Variants in POLDIP3 observed in about 807,000 individuals in gnomAD.
POLDIP3 encodes the protein polymerase delta-interacting protein 3.
Under a neutral mutation model 45.1 loss-of-function variants are expected in POLDIP3, and 14 were observed. That is an observed-to-expected ratio of 0.31 (90% CI 0.20 to 0.49). The LOEUF (loss-of-function observed/expected upper bound fraction) is 0.49, where lower values mean the gene tolerates loss of function less well. Among genes scored for constraint, POLDIP3 ranks in the 20% least tolerant of loss-of-function variants. The probability of loss-of-function intolerance (pLI) is 0.99; values close to 1 mark genes in which losing one functional copy is unlikely to be tolerated. For missense variants in POLDIP3, 511 were observed against 538.8 expected (o/e 0.95, Z 0.51); for synonymous variants, 223 against 205.2 (o/e 1.09, Z -0.74).
chr22:42,597,783 T>C (rs1398028584), intron 4 of POLDIP3: 1 of 321,878 alleles, frequency 3.1e-6, no homozygotes, highest in South Asian at 2.7e-5. Flanking sequence ...ACGACCTCTT[T>C]TTTTTTTTTT....
At position 42,603,003 on chromosome 22, in the gene POLDIP3, C is replaced by T; in HGVS notation, c.217G>A (p.Asp73Asn). 1 of 1,614,132 alleles carries T rather than the reference C, an allele frequency of 6.2e-7. No individual in the cohort carries two copies. The highest frequency in any genetic ancestry group is 8.5e-7 in the Non-Finnish European group (1 of 1,180,022). Reference sequence around the variant, plus strand: ...TTCTGCAAAAGCTTCTCCCGGGCATCCTTGACTCCCAGTTTGAGCCGGGCA... The same window carrying T: ...TTCTGCAAAAGCTTCTCCCGGGCATTCTTGACTCCCAGTTTGAGCCGGGCA... Reference protein sequence around the residue: ...SDARLKLGVKDAREKLLQKDA... With the variant: ...SDARLKLGVKNAREKLLQKDA... Residue 73 changes from aspartate (D) to asparagine (N), a missense_variant, in exon 2 of 9, where the codon GAT becomes AAT. This residue lies in a region of POLDIP3 where 378 missense variants were observed against 352.3 expected (regional missense o/e 1.07). Coordinates refer to ENST00000252115, the MANE Select transcript of POLDIP3 (RefSeq NM_032311.5).
chr22:42,584,607 G>A lies in POLDIP3; in HGVS notation c.*1184C>T, dbSNP rs1925176764. 3.1e-6 allele frequency: 1 copy of A among 319,530 alleles called. No individual in the cohort carries two copies. The highest frequency in any genetic ancestry group is 2.5e-5 in the South Asian group (1 of 40,322). 19.8% of individuals were successfully genotyped at this position (319,530 alleles called of 1,614,324 possible). On this transcript the variant is annotated 3_prime_UTR_variant, in exon 9 of 9. Coordinates refer to ENST00000252115, the MANE Select transcript of POLDIP3 (RefSeq NM_032311.5). ...GTGACAACACTGGCCTGGTCATTCA[G>A]GGACTGCCTGGGCTCTGAAGTTTCG...
Position 42,601,981 on chromosome 22 carries a change from G to C in POLDIP3, c.526C>G (p.Gln176Glu), listed in dbSNP as rs765074556. ...CTCACTCACTCTACCTGTTTGGCCT[G>C]GTGGTTATTGACAACATTGATTCTC... ...GMRINVVNNHQAKQNLYDLDE... is the reference protein window; with the variant it reads ...GMRINVVNNHEAKQNLYDLDE... Residue 176 changes from glutamine to glutamate, a missense_variant, in exon 3 of 9, where the codon CAG (glutamine) becomes GAG (glutamate). By Grantham distance (29) the Gln-to-Glu change is conservative (BLOSUM62 2). Transcript: ENST00000252115. 3.7e-6 allele frequency: 6 copies of C among 1,613,834 alleles called. No homozygotes were observed. The Admixed American group carries it at 1.0e-4, about 27-fold the overall frequency.
In POLDIP3 at chr22:42,599,773, T is replaced by C. The variant is rs756070987; in HGVS notation, c.558A>G (p.Glu186=). 6.2e-7 allele frequency: 1 copy of C among 1,609,762 alleles called. No individual in the cohort carries two copies. Among genetic ancestry groups the C allele is most frequent in the Non-Finnish European group, 8.5e-7 (1 of 1,176,546 alleles). ...GAACGGAAGCTATACCATCATCATC[T>C]TCATCCAGGTCATATAAATTCTGAG... ...QAKQNLYDLD[E]DDDGIASVPT... is the part of the protein sequence containing the mutation. The change falls in exon 4 of 9, where the codon GAA becomes GAG. Residue 186 remains glutamate, a synonymous_variant. Coordinates refer to ENST00000252115, the MANE Select transcript of POLDIP3 (RefSeq NM_032311.5).
At chr22:42,600,564 T>C (rs1926294903) in intron 3 of POLDIP3, among the ~76,000 whole-genome samples, 1 of 150,434 alleles carries the variant, frequency 6.6e-6, no homozygotes. Context: ...AGGCGGAGCT[T>C]GCAGTGAGCC....
At chr22:42,607,120 TCCCTCC>T (rs1356925771) in intron 1 of POLDIP3, among the ~76,000 whole-genome samples, 6 of 151,626 alleles carry the variant, frequency 4.0e-5, no homozygotes, top group African/African-American at 1.2e-4. Context: ...CAAAAAAAAT[TCCCTCC>T]CCCTCCCCCT....
intron 1 of POLDIP3, among the ~76,000 whole-genome samples, chr22:42,614,144 C>G (rs545050776): frequency 6.6e-6 from 1 of 152,182 alleles, no homozygotes; most frequent in East Asian, 1.9e-4. Flanking sequence ...CTCAGTTCTC[C>G]GTGGCCTCGG....
chr22:42,601,878 C>T (rs1378523974), intron 3 of POLDIP3, 92 bp downstream of exon 3: 17 of 1,425,476 alleles, frequency 1.2e-5, no homozygotes, highest in Non-Finnish European at 1.6e-5. Context: ...TCAGTCCATC[C>T]ACCCAAGTAG....
At chr22:42,593,786 T>C (rs575126854) in intron 6 of POLDIP3, among the ~76,000 whole-genome samples, 50 of 152,156 alleles carry the variant, frequency 3.3e-4, no homozygotes, top group Admixed American at 8.5e-4. Flanking sequence ...CCCAAAGTGC[T>C]GGGATTACAG....
intron 2 of POLDIP3, 95 bp downstream of exon 2, chr22:42,602,675 G>C: frequency 7.3e-7 from 1 of 1,370,378 alleles, no homozygotes; most frequent in Non-Finnish European, 9.9e-7. Context: ...CACTTGAGAG[G>C]ATAGTATTTT....
At chr22:42,599,134 C>T (rs1459478032) in intron 4 of POLDIP3, among the ~76,000 whole-genome samples, 1 of 152,234 alleles carries the variant, frequency 6.6e-6, no homozygotes, top group African/African-American at 2.4e-5. Flanking sequence ...TCACACTTTC[C>T]CTATAGTGTC....
chr22:42,609,959 G>C (rs1365895168), intron 1 of POLDIP3, among the ~76,000 whole-genome samples: 1 of 152,128 alleles, frequency 6.6e-6, no homozygotes, highest in Non-Finnish European at 1.5e-5. Flanking sequence ...GATCACTTGA[G>C]GTCAGGAGTT....
In POLDIP3 at chr22:42,586,444, C is replaced by T. The variant is rs576070705; in HGVS notation, c.1089-476G>A. Among the ~76,000 whole-genome samples, 97 of 152,210 alleles carry T rather than the reference C, an allele frequency of 6.4e-4. 1 individual carries two copies. The highest frequency in any genetic ancestry group is 1.2e-3 in the African/African-American group (51 of 41,496). ...CCAGGCTCAAGCGATCCTCCCACCT[C>T]GGCCCCCCAAGTAACTGGGACTATA... On this transcript the variant is annotated intron_variant, in intron 8 of 8. Coordinates refer to ENST00000252115, the MANE Select transcript of POLDIP3 (RefSeq NM_032311.5).
intron 7 of POLDIP3, among the ~76,000 whole-genome samples, chr22:42,587,829 G>T (rs1436193704): frequency 2.6e-5 from 4 of 152,160 alleles, no homozygotes; most frequent in Non-Finnish European, 5.9e-5. Context: ...GAGATGAGTG[G>T]GAAGTGAGGG....
intron 1 of POLDIP3, 151 bp downstream of exon 1, chr22:42,614,648 G>C: frequency 1.2e-6 from 1 of 830,854 alleles, no homozygotes; most frequent in Non-Finnish European, 1.8e-6. Flanking sequence ...GGCCACGGCG[G>C]GGACGGCGGC....
intron 4 of POLDIP3, among the ~76,000 whole-genome samples, chr22:42,598,542 C>T (rs1331129460): frequency 6.6e-6 from 1 of 152,130 alleles, no homozygotes; most frequent in Non-Finnish European, 1.5e-5. Context: ...TGAGCCACCA[C>T]GCCCGAACTT....
rs1440586402 is a variant in POLDIP3 at position 42,585,762 on chromosome 22, C to T, written c.*29G>A. On this transcript the variant is annotated 3_prime_UTR_variant, in exon 9 of 9. Transcript: ENST00000252115. ...GGGAAACAGAGCCACCCTCCTCTGCCCCCACTTCTGGCTGCCTCACTCCCC... is the reference window on the plus strand; with the variant it reads ...GGGAAACAGAGCCACCCTCCTCTGCTCCCACTTCTGGCTGCCTCACTCCCC... 1 of 1,600,434 alleles carries T rather than the reference C, an allele frequency of 6.2e-7. No individual in the cohort carries two copies. The highest frequency in any genetic ancestry group is 2.2e-5 in the East Asian group (1 of 44,688).
In POLDIP3 at chr22:42,603,154, A is replaced by G; in HGVS notation, c.66T>C (p.Asn22=). 1 of 1,613,450 alleles carries G rather than the reference A, an allele frequency of 6.2e-7. No individual in the cohort carries two copies. The highest frequency in any genetic ancestry group is 8.5e-7 in the Non-Finnish European group (1 of 1,179,468). Reference sequence around the variant, plus strand: ...GGACACCTCCAACTCCCGGTCTGGCATTAAGCCTGTAAATATAAATTGCAA... The same window carrying G: ...GGACACCTCCAACTCCCGGTCTGGCGTTAAGCCTGTAAATATAAATTGCAA... ...KRGAAAKGRL[N]ARPGVGGVRS... The change falls in exon 2 of 9, where the codon AAT becomes AAC. Residue 22 remains asparagine, a synonymous_variant. Coordinates refer to ENST00000252115, the MANE Select transcript of POLDIP3 (RefSeq NM_032311.5).
chr22:42,595,726 A>G, intron 5 of POLDIP3, 112 bp from the exon 6 acceptor site: 2 of 935,950 alleles, frequency 2.1e-6, no homozygotes, highest in East Asian at 4.9e-5. Context: ...CTCCATGGAG[A>G]GTTACCACAA....
Sources: allele counts gnomAD v4.1 joint callset (sites outside exome capture counted in the v4.1 genomes callset), GRCh38; gene constraint gnomAD v4.1.1; regional missense constraint gnomAD v4.1.1; transcripts MANE v1.5; gene names NCBI Gene and HGNC (gene_info 2026-07-23, HGNC 2026-07-21).